PECAM1: variants seen among roughly 807,000 people sequenced by gnomAD.
PECAM1 encodes the protein platelet and endothelial cell adhesion molecule 1.
In PECAM1, 8 loss-of-function variants were observed where a neutral mutation model predicts 13.8. The observed-to-expected ratio is 0.58, with a 90% CI of 0.34 to 1.05. The LOEUF (loss-of-function observed/expected upper bound fraction) is 1.05. Among genes scored for constraint, PECAM1 ranks in the 50% least tolerant of loss-of-function variants. The pLI, the probability that PECAM1 is intolerant of heterozygous loss-of-function variation, is 0.03. For missense variants in PECAM1, 304 were observed against 141.2 expected (o/e 2.15, Z -5.84); for synonymous variants, 136 against 52.6 (o/e 2.58, Z -6.86).
At position 64,323,237 on chromosome 17, in the gene PECAM1, A is replaced by T; in HGVS notation, c.*579T>A. On this transcript the variant is annotated 3_prime_UTR_variant, in exon 16 of 16. Transcript: ENST00000563924. ...AACGGTGTCTTCAGGTTGGTATTTC[A>T]CAGGCGGTGCTCCCAAGTAGTCTGG... 1 of 990,952 alleles carries T rather than the reference A, an allele frequency of 1.0e-6. No homozygotes were observed. The highest frequency in any genetic ancestry group is 1.2e-6 in the Non-Finnish European group (1 of 833,372). The allele number at this position is 990,952 out of a possible 1,614,324, so 61.4% of individuals were successfully genotyped here. A position where few individuals can be genotyped will look rare whatever the true frequency, so the allele number is the denominator to read the frequency against.
At chr17:64,375,009 A>AGGG (rs2036325721) in intron 4 of PECAM1, 42 bp downstream of exon 4, 8 of 468,184 alleles carry the variant, frequency 1.7e-5, no homozygotes, top group African/African-American at 1.6e-4. Flanking sequence ...ATACCAAACC[A>AGGG]GAAACCACAA....
intron 1 of PECAM1, 29 bp from the exon 2 acceptor site, chr17:64,390,544 T>C: frequency 2.1e-6 from 1 of 474,040 alleles, no homozygotes; most frequent in Non-Finnish European, 3.9e-6. Flanking sequence ...ACATGTTGAT[T>C]CCAGAAGCTT....
At position 64,323,698 on chromosome 17, in the gene PECAM1, G is replaced by T. The variant is rs2143650671; in HGVS notation, c.*118C>A. The stretch of plus-strand genomic sequence containing the variant: ...GCAGCTTAGCCTGAGGAATTGCTGT[G>T]TTCTGTGGGAGCAGGGCAGGTTCAT... On this transcript the variant is annotated 3_prime_UTR_variant, in exon 16 of 16. Coordinates refer to ENST00000563924, the MANE Select transcript of PECAM1 (RefSeq NM_000442.5). 1 of 1,552,406 alleles carries T rather than the reference G, an allele frequency of 6.4e-7. No homozygotes were observed. The highest frequency in any genetic ancestry group is 2.4e-5 in the East Asian group (1 of 41,896).
chr17:64,361,995 T>C (rs1286867872), intron 6 of PECAM1, among the ~76,000 whole-genome samples: 6 of 152,158 alleles, frequency 3.9e-5, no homozygotes, highest in Admixed American at 3.9e-4. Flanking sequence ...CCTGGTTCAG[T>C]TGAAGCTATA....
Position 64,321,872 on chromosome 17 carries a change from A to G in PECAM1, c.*1944T>C, listed in dbSNP as rs1555644472. ...CAATTGCCCTTCTCTGGTGGTGGCA[A>G]GGGACTAAGGAACTCCCTGGACACA... On this transcript the variant is annotated 3_prime_UTR_variant, in exon 16 of 16. Transcript: ENST00000563924. The G allele has an allele frequency of 3.0e-6, 4 of 1,349,968 alleles. No homozygotes were observed. In the South Asian group the frequency reaches 4.5e-5, roughly 15 times the overall value. The allele number at this position is 1,349,968 out of a possible 1,614,324, so 83.6% of individuals were successfully genotyped here. A position where few individuals can be genotyped will look rare whatever the true frequency, so the allele number is the denominator to read the frequency against.
intron 11 of PECAM1, among the ~76,000 whole-genome samples, chr17:64,351,711 AAAAG>A (rs1379734642): frequency 3.9e-5 from 6 of 152,192 alleles, no homozygotes; most frequent in South Asian, 2.1e-4. Context: ...GTCTAAAAAA[AAAAG>A]AAAGAAAGAA....
At chr17:64,375,666 A>T (rs2036340647) in intron 3 of PECAM1, among the ~76,000 whole-genome samples, 1 of 151,548 alleles carries the variant, frequency 6.6e-6, no homozygotes. Context: ...CAAAAAAAAA[A>T]ATTAAAAATT....
At chr17:64,383,224 T>C (rs918062957) in intron 2 of PECAM1, among the ~76,000 whole-genome samples, 80 of 152,240 alleles carry the variant, frequency 5.3e-4, no homozygotes, top group African/African-American at 1.9e-3. Flanking sequence ...CAGACAGTGC[T>C]GGGTACAGAA....
At chr17:64,388,337 G>A (rs895743686) in intron 2 of PECAM1, among the ~76,000 whole-genome samples, 2 of 152,100 alleles carry the variant, frequency 1.3e-5, no homozygotes, top group Admixed American at 6.6e-5. Flanking sequence ...GACAAAGGGA[G>A]AGTGGGTAGG....
intron 2 of PECAM1, among the ~76,000 whole-genome samples, chr17:64,380,986 CACAA>C (rs1389754902): frequency 1.6e-3 from 239 of 152,156 alleles, no homozygotes; most frequent in Non-Finnish European, 2.9e-3. Flanking sequence ...TCTGCAAAAA[CACAA>C]ACAAACAAAC....
intron 10 of PECAM1, 95 bp downstream of exon 10, chr17:64,353,396 A>G (rs1231584849): frequency 4.8e-6 from 2 of 416,886 alleles, no homozygotes. Context: ...AAGTTTGCCA[A>G]GAGCCACTGA....
intron 14 of PECAM1, among the ~76,000 whole-genome samples, 189 bp downstream of exon 14, chr17:64,341,445 G>A (rs1385206686): frequency 2.0e-5 from 3 of 152,162 alleles, no homozygotes; most frequent in Admixed American, 6.5e-5. Context: ...TTGACTACAT[G>A]AATAGTAAAT....
intron 5 of PECAM1, among the ~76,000 whole-genome samples, 183 bp downstream of exon 5, chr17:64,369,567 A>C (rs933806843): frequency 2.5e-3 from 377 of 152,306 alleles, no homozygotes; most frequent in Non-Finnish European, 3.9e-3. Context: ...CAACACGCAC[A>C]GTAGACTGTT....
Position 64,328,515 on chromosome 17 carries a change from C to T in PECAM1, c.2187+1185G>A, listed in dbSNP as rs530204166. Among the ~76,000 whole-genome samples, 12 of 152,286 alleles carry T rather than the reference C, an allele frequency of 7.9e-5. No individual in the cohort carries two copies. The South Asian group carries it at 1.9e-3, about 24-fold the overall frequency. ...AATTGGGCTCCTTGTCCCAGTGACA[C>T]GATAGTCTCTGATTTCAGGAGTCTG... On this transcript the variant is annotated intron_variant, in intron 15 of 15. Transcript: ENST00000563924.
chr17:64,390,163 A>G, intron 2 of PECAM1: 1 of 329,148 alleles, frequency 3.0e-6, no homozygotes, highest in Non-Finnish European at 5.5e-6. Context: ...ATATTTTTAG[A>G]CTAGTCAAGA....
chr17:64,330,659 A>T (rs1299946582), intron 14 of PECAM1, among the ~76,000 whole-genome samples: 1 of 151,802 alleles, frequency 6.6e-6, no homozygotes, highest in Non-Finnish European at 1.5e-5. Context: ...AATTAGTAGC[A>T]CATATTTTTT....
Position 64,369,809 on chromosome 17 carries a change from G to A in PECAM1, c.908C>T (p.Thr303Met), listed in dbSNP as rs904985246. ...TATGCGGCTGGACTCCACTTTGCAC[G>A]TGTAGTTGCCACTGTGCTCCACCAT... Reference protein sequence around the residue: ...MAMVEHSGNYTCKVESSRISK... With the variant: ...MAMVEHSGNYMCKVESSRISK... The change falls in exon 5 of 16, where the codon ACG becomes ATG. Residue 303 changes from threonine to methionine, a missense_variant. Physicochemically the swap from Thr to Met is moderately conservative, Grantham distance 81. Transcript: ENST00000563924. The A allele has an allele frequency of 7.5e-6, 3 of 398,552 alleles. No individual in the cohort carries two copies. Among genetic ancestry groups the A allele is most frequent in the African/African-American group, 2.1e-5 (1 of 48,636 alleles). 24.7% of individuals were successfully genotyped at this position (398,552 alleles called of 1,614,324 possible). A position where few individuals can be genotyped will look rare whatever the true frequency, so the allele number is the denominator to read the frequency against.
At chr17:64,326,457 A>G (rs2034962053) in intron 15 of PECAM1, among the ~76,000 whole-genome samples, 1 of 152,222 alleles carries the variant, frequency 6.6e-6, no homozygotes, top group African/African-American at 2.4e-5. Flanking sequence ...CTCCTCTGCC[A>G]GGAGAGCCCC....
At position 64,351,167 on chromosome 17, in the gene PECAM1, C is replaced by T. The variant is rs920999583; in HGVS notation, c.1991-734G>A. ...TGTTGAGATTACAGGCGTGAGCCAC[C>T]GCGCCCAGCCTAGAATATAGTTTCT... On this transcript the variant is annotated intron_variant, in intron 11 of 15. Transcript: ENST00000563924. Among the ~76,000 whole-genome samples the T allele has an allele frequency of 1.5e-4, 23 of 152,208 alleles. No homozygotes were observed. In the Middle Eastern group the frequency reaches 0.01, roughly 68 times the overall value.
Sources: gnomAD v4.1 joint callset for allele counts (sites outside exome capture counted in the v4.1 genomes callset) on GRCh38, gnomAD v4.1.1 for gene constraint, MANE v1.5 for transcripts, NCBI Gene and HGNC (gene_info 2026-07-23, HGNC 2026-07-21) for gene names.